Variants in ITPR1 observed in about 807,000 individuals in gnomAD.
ITPR1 encodes inositol 1,4,5-trisphosphate-gated calcium channel ITPR1.
Under a neutral mutation model 318.4 loss-of-function variants are expected in ITPR1, and 96 were observed. The observed-to-expected ratio is 0.30, with a 90% CI of 0.26 to 0.36. The LOEUF (loss-of-function observed/expected upper bound fraction) is 0.36. ITPR1 is among the 10% of genes least tolerant of loss of function. ITPR1 has a pLI of 1.00. For synonymous variants in ITPR1, 1,312 were observed against 1,289.9 expected, an observed-to-expected ratio of 1.02 and a Z score of -0.37; for missense variants, 2,440 against 3,460.2, an observed-to-expected ratio of 0.71 and a Z score of 7.40.
intron 2 of ITPR1, among the ~76,000 whole-genome samples, chr3:4,514,126 C>A (rs1381126520): frequency 6.6e-6 from 1 of 151,618 alleles, no homozygotes; most frequent in African/African-American, 2.4e-5. Flanking sequence ...GTTGTAACAA[C>A]CCTGGTCCTC....
At chr3:4,532,072 C>G (rs549279306) in intron 4 of ITPR1, among the ~76,000 whole-genome samples, 3 of 152,184 alleles carry the variant, frequency 2.0e-5, no homozygotes, top group Non-Finnish European at 4.4e-5. Context: ...TATTAAATGC[C>G]ATAACACTGC....
At chr3:4,556,500 A>T (rs930469934) in intron 4 of ITPR1, among the ~76,000 whole-genome samples, 7 of 142,178 alleles carry the variant, frequency 4.9e-5, no homozygotes, top group African/African-American at 1.6e-4. Context: ...GCAACTACTG[A>T]TTTTTTTTTT....
At chr3:4,614,362 G>C (rs968203714) in intron 4 of ITPR1, among the ~76,000 whole-genome samples, 1 of 152,216 alleles carries the variant, frequency 6.6e-6, no homozygotes, top group Non-Finnish European at 1.5e-5. Flanking sequence ...GCAGTGTAAC[G>C]TGGCTGTGTC....
chr3:4,546,915 G>C (rs968449544), intron 4 of ITPR1, among the ~76,000 whole-genome samples: 2 of 152,134 alleles, frequency 1.3e-5, no homozygotes, highest in African/African-American at 4.8e-5. Flanking sequence ...TTAACTTTGA[G>C]TGTTTGGAAA....
chr3:4,545,613 A>T (rs1575482079), intron 4 of ITPR1, among the ~76,000 whole-genome samples: 1 of 108,018 alleles, frequency 9.3e-6, no homozygotes, highest in Non-Finnish European at 1.8e-5. Context: ...ACAGAACGGG[A>T]CCCGGTCTCA....
Position 4,804,977 on chromosome 3 carries a change from G to A in ITPR1, c.7108-1126G>A, listed in dbSNP as rs375394034. Among the ~76,000 whole-genome samples the A allele has an allele frequency of 1.1e-4, 17 of 152,072 alleles. No individual in the cohort carries two copies. The South Asian group carries it at 3.5e-3, about 32-fold the overall frequency. ...AGAGGTCCCTCTCTGGCCTCCTCCT[G>A]AGCCAAGTTTTTCTGTCAACATATT... is the stretch of plus-strand genomic sequence containing the variant. On this transcript the variant is annotated intron_variant, in intron 54 of 61. Transcript: ENST00000649015.
chr3:4,727,828 G>A (rs946744414), intron 42 of ITPR1, among the ~76,000 whole-genome samples: 2 of 152,154 alleles, frequency 1.3e-5, no homozygotes, highest in African/African-American at 4.8e-5. Flanking sequence ...CTCTTGCCTT[G>A]GCCTCCCAAA....
chr3:4,839,542 C>G (rs943234539), intron 61 of ITPR1, among the ~76,000 whole-genome samples: 20 of 152,032 alleles, frequency 1.3e-4, no homozygotes, highest in African/African-American at 4.8e-4. Context: ...TCATGGTTGA[C>G]TGTTTAAGTT....
intron 48 of ITPR1, among the ~76,000 whole-genome samples, chr3:4,777,905 G>A (rs974061008): frequency 2.0e-5 from 3 of 152,128 alleles, no homozygotes; most frequent in Non-Finnish European, 4.4e-5. Context: ...TTAAAATAAG[G>A]AAAATTACAC....
intron 3 of ITPR1, among the ~76,000 whole-genome samples, chr3:4,519,765 CATGG>C (rs2082421904): frequency 7.2e-6 from 1 of 139,184 alleles, no homozygotes; most frequent in Non-Finnish European, 1.6e-5. Flanking sequence ...GGTGGGGTAC[CATGG>C]ACACTTTGAT....
At chr3:4,815,645 T>A (rs1212245962) in intron 59 of ITPR1, among the ~76,000 whole-genome samples, 2 of 152,042 alleles carry the variant, frequency 1.3e-5, no homozygotes, top group Non-Finnish European at 2.9e-5. Flanking sequence ...GTAAAAGAGG[T>A]GCATGGACAC....
intron 31 of ITPR1, among the ~76,000 whole-genome samples, 165 bp from the exon 32 acceptor site, chr3:4,690,979 T>TA (rs1372018120): frequency 6.6e-6 from 1 of 151,558 alleles, no homozygotes; most frequent in Non-Finnish European, 1.5e-5. Context: ...AAAAGCTTAC[T>TA]AAAAAAGAAG....
intron 60 of ITPR1, among the ~76,000 whole-genome samples, chr3:4,828,286 G>A (rs2050211592): frequency 6.6e-6 from 1 of 152,142 alleles, no homozygotes; most frequent in Non-Finnish European, 1.5e-5. Flanking sequence ...AGAAAACCAC[G>A]AAAATTGCTA....
chr3:4,839,125 C>T lies in ITPR1; in HGVS notation c.8190+2190C>T, dbSNP rs1046243795. 3.3e-5 allele frequency among the ~76,000 whole-genome samples: 5 copies of T among 152,102 alleles called. No individual in the cohort carries two copies. The East Asian group carries it at 7.7e-4, about 23-fold the overall frequency. On this transcript the variant is annotated intron_variant, in intron 61 of 61. Coordinates refer to ENST00000649015, the MANE Select transcript of ITPR1 (RefSeq NM_001378452.1). ...GGTGGATCACCTGAGGTCAGGAGTTCGAGACCAGCCTGACCAACATGGAGA... is the reference window on the plus strand; with the variant it reads ...GGTGGATCACCTGAGGTCAGGAGTTTGAGACCAGCCTGACCAACATGGAGA...
At chr3:4,496,716 A>C (rs2080605707) in intron 2 of ITPR1, among the ~76,000 whole-genome samples, 1 of 152,246 alleles carries the variant, frequency 6.6e-6, no homozygotes, top group African/African-American at 2.4e-5. Context: ...GATAAAAAAG[A>C]AACCTTTAAT....
chr3:4,558,450 C>T (rs7637311), intron 4 of ITPR1, among the ~76,000 whole-genome samples: 3,689 of 152,026 alleles, frequency 0.024, 145 homozygotes, highest in African/African-American at 0.08. Flanking sequence ...TGCTAATCAA[C>T]CTCAATGATA....
Position 4,669,741 on chromosome 3 carries a change from C to G in ITPR1, c.1974C>G (p.Asn658Lys), listed in dbSNP as rs563150711. 3.1e-6 allele frequency: 5 copies of G among 1,613,070 alleles called. No homozygotes were observed. In the Admixed American group the frequency reaches 5.0e-5, roughly 16 times the overall value. Reference protein sequence around the residue: ...TQELICKAVLNPTNADILIET... With the variant: ...TQELICKAVLKPTNADILIET... ...AACTGATATGTAAAGCTGTGCTGAA[C>G]CCCACCAACGCTGACATCCTGATTG... Residue 658 changes from asparagine to lysine, a missense_variant, in exon 19 of 62, where the codon AAC becomes AAG. Coordinates refer to ENST00000649015, the MANE Select transcript of ITPR1 (RefSeq NM_001378452.1).
intron 13 of ITPR1, among the ~76,000 whole-genome samples, chr3:4,660,540 G>T (rs2093809964): frequency 6.6e-6 from 1 of 151,124 alleles, no homozygotes; most frequent in Non-Finnish European, 1.5e-5. Context: ...TGATTCAAAA[G>T]GCTTTCCCTA....
chr3:4,524,314 T>TTTG (rs1668805634), intron 4 of ITPR1, among the ~76,000 whole-genome samples: 2 of 150,532 alleles, frequency 1.3e-5, no homozygotes, highest in Admixed American at 6.6e-5. Context: ...TTTTTTTTTT[T>TTTG]TTTTTTTTTT....
Sources: gnomAD v4.1 joint callset for allele counts (sites outside exome capture counted in the v4.1 genomes callset) on GRCh38, gnomAD v4.1.1 for gene constraint, MANE v1.5 for transcripts, NCBI Gene and HGNC (gene_info 2026-07-23, HGNC 2026-07-21) for gene names.